ABCB1: variants seen among roughly 807,000 people sequenced by gnomAD.
ABCB1 encodes ATP binding cassette subfamily B member 1.
In ABCB1, 69 loss-of-function variants were observed where a neutral mutation model predicts 142.0. The observed-to-expected ratio is 0.49, with a 90% CI of 0.40 to 0.59. ABCB1 has a LOEUF of 0.59. Among genes scored for constraint, ABCB1 ranks in the 20% least tolerant of loss-of-function variants. The probability of loss-of-function intolerance (pLI) is 0.00; values close to 1 mark genes in which losing one functional copy is unlikely to be tolerated. For synonymous variants in ABCB1, 532 were observed against 539.2 expected, an observed-to-expected ratio of 0.99 and a Z score of 0.18; for missense variants, 1,326 against 1,554.7, an observed-to-expected ratio of 0.85 and a Z score of 2.47.
At chr7:87,634,638 GA>G (rs920354293) in intron 1 of ABCB1, among the ~76,000 whole-genome samples, 4 of 143,990 alleles carry the variant, frequency 2.8e-5, no homozygotes, top group Non-Finnish European at 4.6e-5. Context: ...AAAAAAAAAA[GA>G]AAAAAAAAAG....
intron 4 of ABCB1, among the ~76,000 whole-genome samples, chr7:87,584,513 T>C (rs1458811928): frequency 6.6e-6 from 1 of 152,090 alleles, no homozygotes; most frequent in Non-Finnish European, 1.5e-5. Flanking sequence ...AACTCAGAGA[T>C]ATCAACCCAT....
In ABCB1 at chr7:87,600,130, G is replaced by A. The variant is rs41304191; in HGVS notation, c.55C>T (p.Leu19=). Residue 19 remains leucine, a synonymous_variant, in exon 2 of 28, where the codon CTG becomes TTG. Transcript: ENST00000622132. ...GGAKKKNFFK[L]NNKSEKDKKE... is the part of the protein sequence containing the mutation. ...CAAGCTAGTTACCTTTTATTGTTCA[G>A]TTTAAAAAAGTTCTTCTTCTTTGCT... The A allele has an allele frequency of 1.2e-6, 2 of 1,613,872 alleles. No homozygotes were observed. The highest frequency in any genetic ancestry group is 2.7e-5 in the African/African-American group (2 of 75,056).
intron 26 of ABCB1, 109 bp from the exon 27 acceptor site, chr7:87,506,152 C>G: frequency 8.7e-7 from 1 of 1,153,702 alleles, no homozygotes. Context: ...AATTTAGGTT[C>G]AGAAGCTAAG....
intron 15 of ABCB1, among the ~76,000 whole-genome samples, chr7:87,545,264 A>G (rs1303825585): frequency 6.6e-6 from 1 of 152,162 alleles, no homozygotes; most frequent in African/African-American, 2.4e-5. Context: ...TTATCTTCTC[A>G]CGCCATTTTT....
intron 1 of ABCB1, among the ~76,000 whole-genome samples, chr7:87,701,102 C>A (rs559452727): frequency 6.6e-6 from 1 of 152,284 alleles, no homozygotes; most frequent in African/African-American, 2.4e-5. Context: ...TAAAGCATTT[C>A]TGCAGCATAC....
intron 25 of ABCB1, among the ~76,000 whole-genome samples, chr7:87,512,957 T>C (rs1292920957): frequency 6.6e-6 from 1 of 152,220 alleles, no homozygotes; most frequent in Non-Finnish European, 1.5e-5. Flanking sequence ...ACTAGAAGGC[T>C]AAAAACTATT....
chr7:87,520,348 T>C (rs1315138145), intron 22 of ABCB1, among the ~76,000 whole-genome samples: 1 of 152,110 alleles, frequency 6.6e-6, no homozygotes, highest in Non-Finnish European at 1.5e-5. Flanking sequence ...GGGATGACTG[T>C]ATTAAAGGAA....
intron 8 of ABCB1, among the ~76,000 whole-genome samples, chr7:87,556,913 G>A (rs1172766033): frequency 6.6e-6 from 1 of 151,066 alleles, no homozygotes; most frequent in Non-Finnish European, 1.5e-5. Flanking sequence ...GCCTTATGAC[G>A]TTTCCTAGAA....
upstream of ABCB1, chr7:87,601,026 T>C (rs966923314): frequency 6.6e-6 from 1 of 152,208 alleles, no homozygotes; most frequent in African/African-American, 2.4e-5. Flanking sequence ...CTCGAGAAAC[T>C]GCGAAACAGG....
chr7:87,614,083 T>C (rs1340950834), intron 1 of ABCB1, among the ~76,000 whole-genome samples: 4 of 152,234 alleles, frequency 2.6e-5, no homozygotes, highest in African/African-American at 7.2e-5. Flanking sequence ...ATGAAGTTAG[T>C]TCTCTACTAT....
At chr7:87,683,236 T>C (rs1315639578) in intron 1 of ABCB1, among the ~76,000 whole-genome samples, 3 of 152,190 alleles carry the variant, frequency 2.0e-5, no homozygotes, top group Non-Finnish European at 4.4e-5. Flanking sequence ...GGTTTGGTCT[T>C]CTATTCAGAC....
At chr7:87,695,072 A>T (rs577614759) in intron 1 of ABCB1, among the ~76,000 whole-genome samples, 75 of 152,256 alleles carry the variant, frequency 4.9e-4, no homozygotes, top group African/African-American at 1.7e-3. Context: ...TGTAAGTAGC[A>T]TGTAGAACTA....
At chr7:87,705,670 C>G (rs1254879820) in intron 1 of ABCB1, among the ~76,000 whole-genome samples, 1 of 152,180 alleles carries the variant, frequency 6.6e-6, no homozygotes, top group Non-Finnish European at 1.5e-5. Context: ...AGGTTTCACA[C>G]TAGAATCAGC....
intron 21 of ABCB1, among the ~76,000 whole-genome samples, chr7:87,530,890 A>G (rs539255480): frequency 6.6e-6 from 1 of 150,838 alleles, no homozygotes; most frequent in African/African-American, 2.4e-5. Flanking sequence ...AAGAAAAAGA[A>G]AAGAAGGAAG....
chr7:87,558,260 G>A (rs1164235829), intron 8 of ABCB1, among the ~76,000 whole-genome samples: 1 of 152,172 alleles, frequency 6.6e-6, no homozygotes, highest in Non-Finnish European at 1.5e-5. Flanking sequence ...AATTTAAGAT[G>A]GCACTGACTG....
intron 1 of ABCB1, among the ~76,000 whole-genome samples, chr7:87,612,032 C>T (rs1049906831): frequency 1.3e-5 from 2 of 151,882 alleles, no homozygotes; most frequent in South Asian, 4.1e-4. Context: ...TCAGGTTTTC[C>T]CACTGAATCT....
chr7:87,597,700 C>A (rs573393226), intron 2 of ABCB1, among the ~76,000 whole-genome samples: 1 of 152,174 alleles, frequency 6.6e-6, no homozygotes, highest in South Asian at 2.1e-4. Context: ...TCTATGGAGT[C>A]TTTTTCATGG....
intron 1 of ABCB1, among the ~76,000 whole-genome samples, chr7:87,673,225 G>A (rs1208833558): frequency 6.6e-6 from 1 of 152,036 alleles, no homozygotes; most frequent in Non-Finnish European, 1.5e-5. Flanking sequence ...ATAGTATTTT[G>A]CAGGATTCTC....
chr7:87,531,747 A>G, intron 20 of ABCB1: 1 of 456,676 alleles, frequency 2.2e-6, no homozygotes, highest in Non-Finnish European at 4.0e-6. Flanking sequence ...ATCTTTTAAT[A>G]CCAAGAAAAC....
Sources: gnomAD v4.1 joint callset for allele counts (sites outside exome capture counted in the v4.1 genomes callset) on GRCh38, gnomAD v4.1.1 for gene constraint, MANE v1.5 for transcripts, NCBI Gene and HGNC (gene_info 2026-07-23, HGNC 2026-07-21) for gene names.